Variants in SLC30A6 observed in about 807,000 individuals in gnomAD.
SLC30A6 encodes zinc transporter 6.
SLC30A6 carries 55 observed loss-of-function variants against 63.0 expected under a neutral mutation model. That is an observed-to-expected ratio of 0.87 (90% confidence interval 0.70 to 1.09). The LOEUF (loss-of-function observed/expected upper bound fraction) is 1.09. Ranked by LOEUF, SLC30A6 falls within the 50% of genes least tolerant of loss-of-function variation. SLC30A6 has a pLI of 0.00. For synonymous variants in SLC30A6, 224 were observed against 186.1 expected (o/e 1.20, Z -1.66); for missense variants, 587 against 549.2 (o/e 1.07, Z -0.69).
intron 13 of SLC30A6, among the ~76,000 whole-genome samples, chr2:32,210,576 C>A (rs968580702): frequency 6.9e-6 from 1 of 145,088 alleles, no homozygotes; most frequent in Non-Finnish European, 1.5e-5. Context: ...ATAATTAGCT[C>A]TTTTTGTTTA....
intron 10 of SLC30A6, among the ~76,000 whole-genome samples, 168 bp from the exon 11 acceptor site, chr2:32,204,422 T>A (rs1214103508): frequency 6.6e-6 from 1 of 152,178 alleles, no homozygotes; most frequent in East Asian, 1.9e-4. Flanking sequence ...TTCTAAAAAC[T>A]GGAGTATTTT....
chr2:32,195,021 T>C (rs1261200434), intron 8 of SLC30A6, among the ~76,000 whole-genome samples: 1 of 152,066 alleles, frequency 6.6e-6, no homozygotes, highest in East Asian at 1.9e-4. Flanking sequence ...TGTTATTCCT[T>C]CCACTTTTTT....
In SLC30A6 at chr2:32,192,904, T is replaced by G. The variant is rs1216063582; in HGVS notation, c.366-14T>G. ...ATTTATAGGACTTATTTAATATATT[T>G]TTATTTCTTATAGTGCAGAACGCTT... On this transcript the variant is annotated splice_polypyrimidine_tract_variant and intron_variant, in intron 6 of 13. Coordinates refer to ENST00000282587, the MANE Select transcript of SLC30A6 (RefSeq NM_017964.5). 1 of 1,471,770 alleles carries G rather than the reference T, an allele frequency of 6.8e-7. No homozygotes were observed. The allele number at this position is 1,471,770 out of a possible 1,614,324, so 91.2% of individuals were successfully genotyped here. A position where few individuals can be genotyped will look rare whatever the true frequency, so the allele number is the denominator to read the frequency against.
At chr2:32,207,416 G>A (rs936215810) in intron 12 of SLC30A6, among the ~76,000 whole-genome samples, 8 of 150,864 alleles carry the variant, frequency 5.3e-5, no homozygotes, top group African/African-American at 1.2e-4. Flanking sequence ...TTGCTCTGTC[G>A]CCCAGGCTGG....
chr2:32,187,255 C>T (rs1682920350), intron 5 of SLC30A6: 1 of 470,704 alleles, frequency 2.1e-6, no homozygotes, highest in Non-Finnish European at 4.4e-6. Context: ...TTCTCACCTT[C>T]ATCCGAGAGA....
intron 13 of SLC30A6, among the ~76,000 whole-genome samples, chr2:32,216,585 T>TAAA (rs1558430255): frequency 6.3e-5 from 9 of 143,220 alleles, no homozygotes; most frequent in Admixed American, 2.8e-4. Flanking sequence ...AAATAAATAA[T>TAAA]AATAATGATA....
chr2:32,192,855 T>G, intron 6 of SLC30A6, 63 bp from the exon 7 acceptor site: 1 of 1,075,574 alleles, frequency 9.3e-7, no homozygotes, highest in Non-Finnish European at 1.3e-6. Context: ...AATGATATAT[T>G]TAATAAAGCT....
intron 13 of SLC30A6, among the ~76,000 whole-genome samples, chr2:32,214,751 C>T (rs1213665783): frequency 6.6e-6 from 1 of 152,204 alleles, no homozygotes; most frequent in African/African-American, 2.4e-5. Context: ...TTAACGCATG[C>T]ACTGTAATTA....
intron 12 of SLC30A6, among the ~76,000 whole-genome samples, chr2:32,208,287 T>C (rs1479145171): frequency 2.0e-5 from 3 of 151,460 alleles, no homozygotes; most frequent in African/African-American, 7.3e-5. Flanking sequence ...CCCACCACCA[T>C]GCCTGGCTAA....
At position 32,223,817 on chromosome 2, in the gene SLC30A6, G is replaced by C. The variant is rs1686271089; in HGVS notation, c.*3104G>C. 1 of 151,986 alleles carries C rather than the reference G, an allele frequency of 6.6e-6. No individual in the cohort carries two copies. The highest frequency in any genetic ancestry group is 2.4e-5 in the African/African-American group (1 of 41,400). 9.4% of individuals were successfully genotyped at this position (151,986 alleles called of 1,614,324 possible). The stretch of plus-strand genomic sequence containing the variant: ...AGTGTTGGAAAAAAGATTAGGGCAG[G>C]GTACCCTTAGTTTATATAGGGTACA... On this transcript the variant is annotated 3_prime_UTR_variant, in exon 14 of 14. Transcript: ENST00000282587.
At chr2:32,211,355 T>C (rs1290942137) in intron 13 of SLC30A6, among the ~76,000 whole-genome samples, 1 of 152,216 alleles carries the variant, frequency 6.6e-6, no homozygotes, top group African/African-American at 2.4e-5. Context: ...TAAAAATTAG[T>C]TTGATTGGAT....
At chr2:32,198,758 A>G (rs1428794937) in intron 10 of SLC30A6, among the ~76,000 whole-genome samples, 1 of 151,970 alleles carries the variant, frequency 6.6e-6, no homozygotes, top group South Asian at 2.1e-4. Flanking sequence ...TAATTTTTGT[A>G]TTTTTAATAG....
At chr2:32,202,288 G>T (rs148749808) in intron 10 of SLC30A6, 1 of 496,446 alleles carries the variant, frequency 2.0e-6, no homozygotes, top group Non-Finnish European at 3.6e-6. Context: ...TCTATTTTGC[G>T]ATCCCTTTGA....
intron 3 of SLC30A6, among the ~76,000 whole-genome samples, chr2:32,174,548 A>ATTTTTTTTTTTTTTTTTTTTTTTTTT (rs11432136): frequency 1.1e-5 from 1 of 92,260 alleles, no homozygotes; most frequent in African/African-American, 4.6e-5. Context: ...CTATCTGGAG[A>ATTTTTTTTTTTTTTTTTTTTTTTTTT]TTTTTTTTTT....
At chr2:32,211,251 C>A (rs751935872) in intron 13 of SLC30A6, among the ~76,000 whole-genome samples, 2 of 152,148 alleles carry the variant, frequency 1.3e-5, no homozygotes, top group Non-Finnish European at 2.9e-5. Context: ...GGGGACCCAC[C>A]ACACTACACT....
chr2:32,222,742 T>C lies in SLC30A6; in HGVS notation c.*2029T>C, dbSNP rs1483382207. On this transcript the variant is annotated 3_prime_UTR_variant, in exon 14 of 14. Coordinates refer to ENST00000282587, the MANE Select transcript of SLC30A6 (RefSeq NM_017964.5). The stretch of plus-strand genomic sequence containing the variant: ...TATGTTTTCCAACTATTACTGTATC[T>C]GTTATTGGTCTACTATTACAGGATG... The C allele has an allele frequency of 2.6e-5, 4 of 152,336 alleles. No homozygotes were observed. The East Asian group carries it at 7.7e-4, about 29-fold the overall frequency. The allele number at this position is 152,336 out of a possible 1,614,324, so 9.4% of individuals were successfully genotyped here. A position where few individuals can be genotyped will look rare whatever the true frequency, so the allele number is the denominator to read the frequency against.
chr2:32,169,953 T>G (rs533985902), intron 1 of SLC30A6, among the ~76,000 whole-genome samples: 1 of 152,376 alleles, frequency 6.6e-6, no homozygotes, highest in South Asian at 2.1e-4. Context: ...GTTATTCATC[T>G]TTTTAAAAAT....
At chr2:32,195,636 G>A (rs887353347) in intron 8 of SLC30A6, among the ~76,000 whole-genome samples, 19 of 150,464 alleles carry the variant, frequency 1.3e-4, no homozygotes, top group African/African-American at 3.9e-4. Context: ...AGGCTTTGTT[G>A]TATATTGCCA....
intron 4 of SLC30A6, among the ~76,000 whole-genome samples, chr2:32,178,939 C>T (rs1207285513): frequency 2.0e-5 from 3 of 152,310 alleles, no homozygotes; most frequent in South Asian, 2.1e-4. Flanking sequence ...CTCACTGCAG[C>T]CTCAGCCTTT....
Sources: gnomAD v4.1 joint callset for allele counts (sites outside exome capture counted in the v4.1 genomes callset) on GRCh38, gnomAD v4.1.1 for gene constraint, MANE v1.5 for transcripts, NCBI Gene and HGNC (gene_info 2026-07-23, HGNC 2026-07-21) for gene names.